Variants in KIAA1328 observed in about 807,000 individuals in gnomAD.
KIAA1328 encodes the protein protein hinderin.
In KIAA1328, 52 loss-of-function variants were observed where a neutral mutation model predicts 68.1. That is an observed-to-expected ratio of 0.76 (90% CI 0.61 to 0.96). The LOEUF (loss-of-function observed/expected upper bound fraction) is 0.96. Ranked by LOEUF, KIAA1328 falls within the 40% of genes least tolerant of loss-of-function variation. The probability of loss-of-function intolerance (pLI) is 0.00; values close to 1 mark genes in which losing one functional copy is unlikely to be tolerated. For missense variants in KIAA1328, 641 were observed against 677.6 expected, an observed-to-expected ratio of 0.95 and a Z score of 0.60; for synonymous variants, 232 against 239.4, an observed-to-expected ratio of 0.97 and a Z score of 0.28.
intron 5 of KIAA1328, among the ~76,000 whole-genome samples, chr18:36,921,725 A>G (rs572086647): frequency 6.6e-6 from 1 of 152,074 alleles, no homozygotes; most frequent in South Asian, 2.1e-4. Flanking sequence ...TTTTTAACAG[A>G]CATCCAACTT....
At chr18:36,947,668 A>G (rs1007062476) in intron 5 of KIAA1328, among the ~76,000 whole-genome samples, 2 of 152,108 alleles carry the variant, frequency 1.3e-5, no homozygotes, top group Non-Finnish European at 2.9e-5. Context: ...TTTCTGTTCA[A>G]ATGTTTCAAA....
intron 8 of KIAA1328, among the ~76,000 whole-genome samples, chr18:37,167,596 G>A (rs965476998): frequency 2.0e-5 from 3 of 152,014 alleles, no homozygotes; most frequent in Non-Finnish European, 4.4e-5. Flanking sequence ...GTCTGCTGGT[G>A]CCTGTTGGTA....
intron 4 of KIAA1328, among the ~76,000 whole-genome samples, chr18:36,870,097 C>T (rs775635491): frequency 1.4e-4 from 21 of 152,022 alleles, no homozygotes; most frequent in Non-Finnish European, 1.3e-4. Flanking sequence ...CTCTTTACCT[C>T]GTGATCTGCC....
At chr18:37,066,132 T>C (rs537810852) in intron 6 of KIAA1328, among the ~76,000 whole-genome samples, 80 of 152,350 alleles carry the variant, frequency 5.3e-4, no homozygotes, top group Admixed American at 9.8e-4. Flanking sequence ...TTGAGAATCA[T>C]TGATACAGAT....
At chr18:37,129,302 T>TG (rs1313872772) in intron 7 of KIAA1328, among the ~76,000 whole-genome samples, 1 of 151,922 alleles carries the variant, frequency 6.6e-6, no homozygotes, top group Non-Finnish European at 1.5e-5. Flanking sequence ...TTATTTCCAG[T>TG]GGAAAAAAAA....
intron 9 of KIAA1328, among the ~76,000 whole-genome samples, chr18:37,186,044 G>A (rs2059791060): frequency 6.9e-6 from 1 of 145,798 alleles, no homozygotes; most frequent in Non-Finnish European, 1.5e-5. Context: ...TTGATATACA[G>A]TTACATTTTT....
chr18:37,143,298 T>C (rs1427633785), intron 7 of KIAA1328, among the ~76,000 whole-genome samples: 1 of 152,182 alleles, frequency 6.6e-6, no homozygotes. Flanking sequence ...CCATATAGTT[T>C]CCAGTTTACC....
chr18:37,087,234 A>ATT (rs112428734), intron 7 of KIAA1328, among the ~76,000 whole-genome samples: 1 of 150,856 alleles, frequency 6.6e-6, no homozygotes, highest in East Asian at 2.0e-4. Context: ...AATTTTTTGT[A>ATT]TTTTTTTTAG....
At chr18:37,164,021 G>C (rs958017434) in intron 8 of KIAA1328, among the ~76,000 whole-genome samples, 2 of 152,180 alleles carry the variant, frequency 1.3e-5, no homozygotes, top group African/African-American at 4.8e-5. Context: ...AAGAGTTAAT[G>C]TTAATATATA....
At chr18:36,969,493 GA>G (rs2052082093) in intron 6 of KIAA1328, among the ~76,000 whole-genome samples, 1 of 152,106 alleles carries the variant, frequency 6.6e-6, no homozygotes, top group Non-Finnish European at 1.5e-5. Flanking sequence ...ATAACCATCA[GA>G]GACTATTATG....
intron 6 of KIAA1328, among the ~76,000 whole-genome samples, chr18:36,997,794 C>A (rs960186299): frequency 6.6e-6 from 1 of 152,164 alleles, no homozygotes; most frequent in African/African-American, 2.4e-5. Flanking sequence ...GGTAAGTGAG[C>A]AGAGCACAAA....
chr18:37,012,706 G>C (rs1281879406), intron 6 of KIAA1328, among the ~76,000 whole-genome samples: 1 of 152,176 alleles, frequency 6.6e-6, no homozygotes, highest in African/African-American at 2.4e-5. Context: ...CTGTAAGCTA[G>C]AGACTAATTG....
intron 7 of KIAA1328, among the ~76,000 whole-genome samples, chr18:37,142,844 A>C (rs1251245696): frequency 6.6e-6 from 1 of 152,120 alleles, no homozygotes; most frequent in Admixed American, 6.6e-5. Flanking sequence ...CTATTAAGGA[A>C]ATTGAATTAT....
intron 4 of KIAA1328, among the ~76,000 whole-genome samples, chr18:36,862,730 C>T (rs1158330802): frequency 3.9e-5 from 6 of 152,116 alleles, no homozygotes; most frequent in Non-Finnish European, 8.8e-5. Context: ...TGTTTAGTTT[C>T]ATAAGAAGCT....
intron 9 of KIAA1328, among the ~76,000 whole-genome samples, chr18:37,178,269 G>A (rs542014574): frequency 1.3e-5 from 2 of 152,040 alleles, no homozygotes; most frequent in South Asian, 2.1e-4. Context: ...TGAGATCAAC[G>A]TTTCTAGATC....
At chr18:37,228,589 C>T (rs1443042348), downstream of KIAA1328, among the ~76,000 whole-genome samples, 5 of 152,086 alleles carry the variant, frequency 3.3e-5, no homozygotes, top group Admixed American at 6.6e-5. Flanking sequence ...GAGTCTGAGG[C>T]GGGTGGATCA....
chr18:36,969,940 C>T (rs1266072680), intron 6 of KIAA1328, among the ~76,000 whole-genome samples: 2 of 152,176 alleles, frequency 1.3e-5, no homozygotes, highest in African/African-American at 4.8e-5. Context: ...AGAGGGACTC[C>T]TCCCTAACTC....
At chr18:36,946,414 G>A (rs11664002) in intron 5 of KIAA1328, 46 of 152,190 alleles carry the variant, frequency 3.0e-4, no homozygotes, top group African/African-American at 1.0e-3. Flanking sequence ...TACGCATACC[G>A]TAAGTATGTT....
intron 5 of KIAA1328, among the ~76,000 whole-genome samples, chr18:36,891,962 G>C (rs1243417231): frequency 6.6e-6 from 1 of 152,186 alleles, no homozygotes. Flanking sequence ...TAATGTCTGT[G>C]CTGAAAATAG....
Sources: allele counts gnomAD v4.1 joint callset (sites outside exome capture counted in the v4.1 genomes callset), GRCh38; gene constraint gnomAD v4.1.1; transcripts MANE v1.5; gene names NCBI Gene and HGNC (gene_info 2026-07-23, HGNC 2026-07-21).